The following TIAM1 variants were observed in gnomAD, a reference collection of about 807,000 sequenced individuals.
The protein encoded by TIAM1 is TIAM Rac1 associated GEF 1.
A neutral mutation model predicts 163.5 loss-of-function variants in TIAM1; 65 were observed. The ratio of observed to expected loss-of-function variants is 0.40; its 90% CI spans 0.33 to 0.49. The LOEUF (loss-of-function observed/expected upper bound fraction) is 0.49. TIAM1 is among the 20% of genes least tolerant of loss of function. The pLI is 0.77. For missense variants in TIAM1, 1,789 were observed against 2,044.7 expected, an observed-to-expected ratio of 0.87 and a Z score of 2.41; for synonymous variants, 833 against 810.1, an observed-to-expected ratio of 1.03 and a Z score of -0.48.
At chr21:31,146,193 G>A (rs931302059) in intron 20 of TIAM1, among the ~76,000 whole-genome samples, 1 of 152,252 alleles carries the variant, frequency 6.6e-6, no homozygotes, top group Admixed American at 6.5e-5. Flanking sequence ...AGCACTGTAG[G>A]AGGCCGAGGT....
At chr21:31,439,537 G>A (rs748272759) in intron 2 of TIAM1, among the ~76,000 whole-genome samples, 73 of 152,126 alleles carry the variant, frequency 4.8e-4, no homozygotes, top group Admixed American at 1.5e-3. Flanking sequence ...TAATTCACCC[G>A]CGTTGGCCTC....
At chr21:31,234,269 A>C (rs2088612994) in intron 6 of TIAM1, among the ~76,000 whole-genome samples, 1 of 150,470 alleles carries the variant, frequency 6.6e-6, no homozygotes, top group Non-Finnish European at 1.5e-5. Context: ...GTGAACAAAA[A>C]GTACAGGTTA....
intron 6 of TIAM1, among the ~76,000 whole-genome samples, chr21:31,243,227 T>C (rs1031807306): frequency 6.9e-6 from 1 of 145,326 alleles, no homozygotes; most frequent in Non-Finnish European, 1.5e-5. Context: ...TATATATATG[T>C]ATATTTCATA....
intron 2 of TIAM1, among the ~76,000 whole-genome samples, chr21:31,463,452 C>A (rs2045406756): frequency 6.6e-6 from 1 of 152,174 alleles, no homozygotes; most frequent in Non-Finnish European, 1.5e-5. Context: ...GCACCCTCAT[C>A]ACTGTCACCT....
chr21:31,388,259 A>ACACACACACACACACACACACACACACAC (rs1555964695), intron 2 of TIAM1, among the ~76,000 whole-genome samples: 1 of 98,098 alleles, frequency 1.0e-5, no homozygotes, highest in African/African-American at 3.7e-5. Context: ...ACACACACAC[A>ACACACACACACACACACACACACACACAC]ACCTCTTACG....
chr21:31,482,890 A>C (rs1427589923), intron 1 of TIAM1, among the ~76,000 whole-genome samples: 2 of 152,178 alleles, frequency 1.3e-5, no homozygotes, highest in Non-Finnish European at 2.9e-5. Context: ...CCATTTACTG[A>C]GTAGCTACTG....
chr21:31,496,916 A>G (rs1283126001), intron 1 of TIAM1, among the ~76,000 whole-genome samples: 1 of 152,190 alleles, frequency 6.6e-6, no homozygotes, highest in African/African-American at 2.4e-5. Flanking sequence ...CAGATCATCA[A>G]GCATTAGTTA....
chr21:31,492,832 G>GA lies in TIAM1; in HGVS notation c.-421-28798dup, dbSNP rs547288428. 4.4e-4 allele frequency among the ~76,000 whole-genome samples: 65 copies of GA among 147,320 alleles called. 1 individual carries two copies. In the East Asian group the frequency reaches 0.012, roughly 27 times the overall value. Reference sequence around the variant, plus strand: ...ACACACACACACACACACGTTAAGTGAAAAAAATCCATCTATCATATATAT... The same window carrying GA: ...ACACACACACACACACACGTTAAGTGAAAAAAAATCCATCTATCATATATAT... On this transcript the variant is annotated intron_variant, in intron 1 of 28. Transcript: ENST00000286827.
At chr21:31,434,194 C>A (rs78148060) in intron 2 of TIAM1, among the ~76,000 whole-genome samples, 11,926 of 152,072 alleles carry the variant, frequency 0.078, 1,535 homozygotes, top group African/African-American at 0.27. Context: ...AGCTAAGATG[C>A]AGTAACAAGG....
chr21:31,373,017 T>C (rs2076623436), intron 2 of TIAM1, among the ~76,000 whole-genome samples: 1 of 144,178 alleles, frequency 6.9e-6, no homozygotes, highest in East Asian at 2.0e-4. Context: ...ATTGCACCAT[T>C]GCACTCCAGC....
At chr21:31,349,361 CA>C (rs1181465210) in intron 2 of TIAM1, among the ~76,000 whole-genome samples, 9 of 152,164 alleles carry the variant, frequency 5.9e-5, no homozygotes, top group African/African-American at 1.9e-4. Flanking sequence ...GCCAAGGAAA[CA>C]TCCGTGAGCT....
intron 2 of TIAM1, among the ~76,000 whole-genome samples, chr21:31,355,568 T>TTTATTTATTTAC (rs1034476961): frequency 1.4e-5 from 2 of 141,590 alleles, no homozygotes; most frequent in Non-Finnish European, 3.1e-5. Flanking sequence ...TATTTATTTA[T>TTTATTTATTTAC]TGAGAAAGAG....
intron 1 of TIAM1, among the ~76,000 whole-genome samples, chr21:31,556,404 C>A (rs2048881238): frequency 6.6e-6 from 1 of 151,746 alleles, no homozygotes; most frequent in African/African-American, 2.4e-5. Context: ...CACTGGACAG[C>A]CTACAAGTCG....
intron 2 of TIAM1, among the ~76,000 whole-genome samples, chr21:31,297,993 A>G (rs963651141): frequency 2.6e-5 from 4 of 152,230 alleles, no homozygotes; most frequent in Non-Finnish European, 4.4e-5. Flanking sequence ...AGGGTGCTTC[A>G]TAATTTGAAA....
chr21:31,465,716 G>GC (rs2045503904), intron 1 of TIAM1, among the ~76,000 whole-genome samples: 1 of 152,068 alleles, frequency 6.6e-6, no homozygotes, highest in South Asian at 2.1e-4. Context: ...GACTACAGGC[G>GC]CCCGCCACCA....
intron 2 of TIAM1, among the ~76,000 whole-genome samples, chr21:31,405,309 C>T (rs1000854111): frequency 6.6e-6 from 1 of 152,224 alleles, no homozygotes; most frequent in African/African-American, 2.4e-5. Context: ...TCAGCAAACA[C>T]ATGACCCTGC....
intron 2 of TIAM1, among the ~76,000 whole-genome samples, chr21:31,329,396 G>A (rs987322339): frequency 3.3e-5 from 5 of 152,206 alleles, no homozygotes; most frequent in African/African-American, 1.2e-4. Context: ...TCGTGCTAAG[G>A]TGCCTGTGCA....
intron 2 of TIAM1, among the ~76,000 whole-genome samples, chr21:31,316,990 C>T (rs1397036653): frequency 2.0e-5 from 3 of 152,186 alleles, no homozygotes; most frequent in Non-Finnish European, 4.4e-5. Flanking sequence ...CTCTGAGTCA[C>T]AACCTCAAAT....
intron 1 of TIAM1, among the ~76,000 whole-genome samples, chr21:31,502,771 T>G (rs375198726): frequency 6.6e-6 from 1 of 152,336 alleles, no homozygotes; most frequent in African/African-American, 2.4e-5. Context: ...GATTCAAGGA[T>G]TGCTAATCCA....
Sources: gnomAD v4.1 joint callset for allele counts (sites outside exome capture counted in the v4.1 genomes callset) on GRCh38, gnomAD v4.1.1 for gene constraint, MANE v1.5 for transcripts, NCBI Gene and HGNC (gene_info 2026-07-23, HGNC 2026-07-21) for gene names.